DOCK3: variants seen among roughly 807,000 people sequenced by gnomAD.
The protein encoded by DOCK3 is dedicator of cytokinesis 3.
DOCK3 carries 60 observed loss-of-function variants against 265.6 expected under a neutral mutation model. That is an observed-to-expected ratio of 0.23 (90% CI 0.18 to 0.28). The LOEUF is 0.28. Among genes scored for constraint, DOCK3 ranks in the 10% least tolerant of loss-of-function variants. The probability of loss-of-function intolerance (pLI) is 1.00; values close to 1 mark genes in which losing one functional copy is unlikely to be tolerated. For missense variants in DOCK3, 1,981 were observed against 2,594.3 expected, an observed-to-expected ratio of 0.76 and a Z score of 5.14; for synonymous variants, 881 against 938.0, an observed-to-expected ratio of 0.94 and a Z score of 1.11.
At chr3:50,891,695 C>G (rs989176016) in intron 4 of DOCK3, among the ~76,000 whole-genome samples, 1 of 151,978 alleles carries the variant, frequency 6.6e-6, no homozygotes, top group Non-Finnish European at 1.5e-5. Context: ...TGAGGCTGAT[C>G]AGAGCTGAAA....
intron 2 of DOCK3, among the ~76,000 whole-genome samples, chr3:50,820,522 G>T (rs2044347574): frequency 6.6e-6 from 1 of 152,148 alleles, no homozygotes. Flanking sequence ...TTTTATGGCT[G>T]CATAGTATTC....
chr3:50,873,817 T>A (rs913318833), intron 3 of DOCK3, among the ~76,000 whole-genome samples: 1 of 152,164 alleles, frequency 6.6e-6, no homozygotes, highest in African/African-American at 2.4e-5. Context: ...TTATTTCTGC[T>A]CTAATGGAAC....
intron 9 of DOCK3, among the ~76,000 whole-genome samples, chr3:51,116,526 A>C (rs2083751643): frequency 6.6e-6 from 1 of 151,194 alleles, no homozygotes; most frequent in East Asian, 1.9e-4. Context: ...TGATGGGAAT[A>C]GCATTGAATC....
At chr3:51,084,633 A>G (rs947953834) in intron 7 of DOCK3, among the ~76,000 whole-genome samples, 1 of 152,226 alleles carries the variant, frequency 6.6e-6, no homozygotes, top group African/African-American at 2.4e-5. Flanking sequence ...GACAATGTCT[A>G]CCATCATGAA....
chr3:51,203,608 C>A (rs1277084423), intron 12 of DOCK3, among the ~76,000 whole-genome samples: 2 of 152,156 alleles, frequency 1.3e-5, no homozygotes, highest in Non-Finnish European at 2.9e-5. Flanking sequence ...TTTATAGATT[C>A]AATGCCATCC....
At chr3:51,152,540 G>A (rs777477814) in intron 10 of DOCK3, among the ~76,000 whole-genome samples, 1 of 152,202 alleles carries the variant, frequency 6.6e-6, no homozygotes, top group African/African-American at 2.4e-5. Flanking sequence ...TCCATTGCTG[G>A]TGAGGACCTG....
chr3:50,999,109 TAA>T (rs775189610), intron 5 of DOCK3, among the ~76,000 whole-genome samples: 1 of 152,236 alleles, frequency 6.6e-6, no homozygotes, highest in South Asian at 2.1e-4. Flanking sequence ...CAAATATTTC[TAA>T]AGAGTTTTAC....
At chr3:51,367,607 A>C (rs1033011514) in intron 49 of DOCK3, among the ~76,000 whole-genome samples, 5 of 152,172 alleles carry the variant, frequency 3.3e-5, no homozygotes, top group African/African-American at 1.2e-4. Flanking sequence ...ACAATTTGGC[A>C]TGTTTTTGCA....
At chr3:50,685,022 G>T (rs1353001264) in intron 1 of DOCK3, among the ~76,000 whole-genome samples, 1 of 147,858 alleles carries the variant, frequency 6.8e-6, no homozygotes, top group Non-Finnish European at 1.5e-5. Context: ...TATCTTTTTA[G>T]TTTTTTTTTT....
chr3:51,331,981 G>T (rs192657359), intron 33 of DOCK3, among the ~76,000 whole-genome samples: 1 of 152,288 alleles, frequency 6.6e-6, no homozygotes, highest in Non-Finnish European at 1.5e-5. Context: ...GTCAGATTCA[G>T]TGTTCTTACC....
intron 1 of DOCK3, among the ~76,000 whole-genome samples, chr3:50,680,822 G>A (rs2034360198): frequency 6.6e-6 from 1 of 151,772 alleles, no homozygotes. Flanking sequence ...ACTTTTTAAT[G>A]GGATTATTTG....
intron 5 of DOCK3, among the ~76,000 whole-genome samples, chr3:51,053,086 T>G (rs1046590976): frequency 0.018 from 1,182 of 64,430 alleles, 32 homozygotes; most frequent in Non-Finnish European, 0.03. Flanking sequence ...AAGATATATA[T>G]ATATATATAT....
chr3:50,702,770 A>G (rs2036138334), intron 1 of DOCK3, among the ~76,000 whole-genome samples: 1 of 151,324 alleles, frequency 6.6e-6, no homozygotes, highest in African/African-American at 2.4e-5. Flanking sequence ...TTTTCTGTGT[A>G]TAAGATCATA....
At chr3:51,039,633 A>G (rs1451695215) in intron 5 of DOCK3, among the ~76,000 whole-genome samples, 1 of 151,948 alleles carries the variant, frequency 6.6e-6, no homozygotes, top group African/African-American at 2.4e-5. Context: ...CTGAATTACT[A>G]TTTGTTATCT....
intron 5 of DOCK3, among the ~76,000 whole-genome samples, chr3:50,946,272 A>G (rs554248781): frequency 6.6e-6 from 1 of 152,274 alleles, no homozygotes; most frequent in South Asian, 2.1e-4. Flanking sequence ...TTTCAAATAT[A>G]TACTAGTTCC....
intron 27 of DOCK3, among the ~76,000 whole-genome samples, chr3:51,288,391 CAAAAAA>C (rs35390396): frequency 3.4e-5 from 3 of 87,226 alleles, no homozygotes; most frequent in Admixed American, 2.4e-4. Flanking sequence ...GACTCCGTCT[CAAAAAA>C]AAAAAAAAAA....
chr3:50,926,983 C>T (rs919950553), intron 4 of DOCK3, among the ~76,000 whole-genome samples: 2 of 152,144 alleles, frequency 1.3e-5, no homozygotes, highest in African/African-American at 2.4e-5. Context: ...TAGCGACTCC[C>T]GTCTCACACA....
intron 5 of DOCK3, among the ~76,000 whole-genome samples, chr3:51,043,270 G>T (rs2080613606): frequency 6.6e-6 from 1 of 152,048 alleles, no homozygotes; most frequent in African/African-American, 2.4e-5. Context: ...AGAGAACACA[G>T]AAATAAGACC....
chr3:50,972,287 G>T (rs1185213494), intron 5 of DOCK3, among the ~76,000 whole-genome samples: 1 of 152,230 alleles, frequency 6.6e-6, no homozygotes, highest in African/African-American at 2.4e-5. Context: ...CCTCCAGTGT[G>T]CCTTTGCCAG....
Sources: gnomAD v4.1 joint callset for allele counts (sites outside exome capture counted in the v4.1 genomes callset) on GRCh38, gnomAD v4.1.1 for gene constraint, MANE v1.5 for transcripts, NCBI Gene and HGNC (gene_info 2026-07-23, HGNC 2026-07-21) for gene names.